The following SASS6 variants were observed in gnomAD, a reference collection of about 807,000 sequenced individuals.
SASS6 encodes the protein SAS-6 centriolar assembly protein, also known as spindle assembly abnormal protein 6 homolog.
In SASS6, 59 loss-of-function variants were observed where a neutral mutation model predicts 94.9. The observed-to-expected ratio is 0.62, with a 90% confidence interval of 0.50 to 0.77. The LOEUF is 0.77. Ranked by LOEUF, SASS6 falls within the 30% of genes least tolerant of loss-of-function variation. SASS6 has a pLI of 0.00. For missense variants in SASS6, 698 were observed against 734.1 expected, an observed-to-expected ratio of 0.95 and a Z score of 0.57; for synonymous variants, 264 against 270.0, an observed-to-expected ratio of 0.98 and a Z score of 0.22.
chr1:100,120,866 C>A (rs1387878262), intron 5 of SASS6, among the ~76,000 whole-genome samples: 1 of 151,494 alleles, frequency 6.6e-6, no homozygotes, highest in Non-Finnish European at 1.5e-5. Flanking sequence ...CTGGCTAAAA[C>A]GGTGAAACCC....
In SASS6 at chr1:100,122,502, A is replaced by G; in HGVS notation, c.207-18T>C. On this transcript the variant is annotated intron_variant, in intron 3 of 16. Coordinates refer to ENST00000287482, the MANE Select transcript of SASS6 (RefSeq NM_194292.3). ...ATTTTAAACTATACAGAAGAAAGGA[A>G]AAGAAATTTTTTAAAAATTTTAATT... The G allele has an allele frequency of 1.8e-6, 2 of 1,126,564 alleles. 1 individual carries two copies. The highest frequency in any genetic ancestry group is 2.6e-6 in the Non-Finnish European group (2 of 773,402). 69.8% of individuals were successfully genotyped at this position (1,126,564 alleles called of 1,614,324 possible). A position where few individuals can be genotyped will look rare whatever the true frequency, so the allele number is the denominator to read the frequency against.
chr1:100,120,822 G>T (rs977237269), intron 5 of SASS6, among the ~76,000 whole-genome samples: 1 of 151,798 alleles, frequency 6.6e-6, no homozygotes. Flanking sequence ...AGGCCGAGGC[G>T]GGCGGATCAC....
intron 14 of SASS6, among the ~76,000 whole-genome samples, chr1:100,090,980 C>T (rs546143703): frequency 6.6e-6 from 1 of 152,066 alleles, no homozygotes; most frequent in Non-Finnish European, 1.5e-5. Flanking sequence ...TGAGACAGAT[C>T]CAAACAGCAT....
At chr1:100,087,697 C>A (rs549665320) in intron 15 of SASS6, among the ~76,000 whole-genome samples, 1 of 152,264 alleles carries the variant, frequency 6.6e-6, no homozygotes, top group Admixed American at 6.5e-5. Context: ...AGCATATTAA[C>A]TAGCTGGTAT....
intron 14 of SASS6, among the ~76,000 whole-genome samples, chr1:100,102,540 G>T (rs942936764): frequency 2.1e-4 from 32 of 152,020 alleles, no homozygotes; most frequent in African/African-American, 6.8e-4. Flanking sequence ...TTAGCTGGGT[G>T]TAGTGGCACA....
At chr1:100,129,959 A>G (rs1654877878) in intron 1 of SASS6, among the ~76,000 whole-genome samples, 1 of 152,198 alleles carries the variant, frequency 6.6e-6, no homozygotes, top group Non-Finnish European at 1.5e-5. Context: ...TTAATACCTA[A>G]AATTTAGTGA....
chr1:100,115,335 C>CA (rs1362874138), intron 7 of SASS6, among the ~76,000 whole-genome samples: 2 of 151,680 alleles, frequency 1.3e-5, no homozygotes, highest in Non-Finnish European at 2.9e-5. Flanking sequence ...AGTCCCTAGC[C>CA]AAAAACACTG....
rs1381968142 is a variant in SASS6, at chr1:100,084,149, A to C, written c.*1179T>G. On this transcript the variant is annotated 3_prime_UTR_variant, in exon 17 of 17. Coordinates refer to ENST00000287482, the MANE Select transcript of SASS6 (RefSeq NM_194292.3). Reference sequence around the variant, plus strand: ...TTCAAGATACTGGCTTCGTAAAAAAAAAAAAAAAATTAGCAAAGATTCTTT... The same window carrying C: ...TTCAAGATACTGGCTTCGTAAAAAACAAAAAAAAATTAGCAAAGATTCTTT... The C allele has an allele frequency of 1.3e-5, 2 of 151,934 alleles. No homozygotes were observed. The highest frequency in any genetic ancestry group is 4.8e-5 in the African/African-American group (2 of 41,404). The allele number at this position is 151,934 out of a possible 1,614,324, so 9.4% of individuals were successfully genotyped here.
intron 1 of SASS6, among the ~76,000 whole-genome samples, chr1:100,127,515 A>G (rs1472703158): frequency 6.6e-6 from 1 of 152,242 alleles, no homozygotes; most frequent in Non-Finnish European, 1.5e-5. Context: ...CCGTTTGTAC[A>G]ATAAGGTTAA....
chr1:100,121,326 A>C, intron 5 of SASS6, 52 bp downstream of exon 5: 1 of 1,072,132 alleles, frequency 9.3e-7, no homozygotes, highest in Non-Finnish European at 1.3e-6. Context: ...TAATTTATCA[A>C]AGACCATTGA....
At position 100,121,475 on chromosome 1, in the gene SASS6, T is replaced by C. The variant is rs1184183184; in HGVS notation, c.386A>G (p.Asn129Ser). Residue 129 changes from asparagine (N) to serine (S), a missense_variant, in exon 5 of 17, where the codon AAT (asparagine) becomes AGT (serine). Asn to Ser is a conservative substitution (Grantham distance 46). Transcript: ENST00000287482. ...GAGGTGTGTAAGATGCTTAAAAGGA[T>C]TTGTCTCTACCACATTTAAAAATGC... ...SPAFLNVVET[N>S]PFKHLTHLSL... is the part of the protein sequence containing the mutation. 1.1e-5 allele frequency: 17 copies of C among 1,599,430 alleles called. No homozygotes were observed. Among genetic ancestry groups the C allele is most frequent in the Non-Finnish European group, 1.4e-5 (16 of 1,169,286 alleles).
intron 7 of SASS6, among the ~76,000 whole-genome samples, chr1:100,118,044 G>A (rs189707569): frequency 3.9e-5 from 6 of 152,306 alleles, no homozygotes; most frequent in African/African-American, 1.4e-4. Context: ...ACGTGGCAGG[G>A]CACAGTGGCT....
At chr1:100,121,650 C>T in intron 4 of SASS6, 101 bp from the exon 5 acceptor site, 1 of 672,804 alleles carries the variant, frequency 1.5e-6, no homozygotes, top group Non-Finnish European at 2.6e-6. Flanking sequence ...GGAAAGGGAG[C>T]ACATTGAGGA....
chr1:100,087,234 T>C (rs1303942147), intron 15 of SASS6, among the ~76,000 whole-genome samples: 1 of 152,188 alleles, frequency 6.6e-6, no homozygotes, highest in Non-Finnish European at 1.5e-5. Context: ...CCACCCACCT[T>C]GGCCTCCCAA....
At chr1:100,114,386 A>G (rs1653629253) in intron 7 of SASS6, among the ~76,000 whole-genome samples, 1 of 152,056 alleles carries the variant, frequency 6.6e-6, no homozygotes, top group Non-Finnish European at 1.5e-5. Context: ...TTATGAATAT[A>G]AATACAAACA....
chr1:100,126,474 G>A (rs1654632172), intron 1 of SASS6, among the ~76,000 whole-genome samples: 2 of 152,168 alleles, frequency 1.3e-5, no homozygotes, highest in Admixed American at 1.3e-4. Context: ...GAGACTGATT[G>A]CATTTTAAAA....
intron 2 of SASS6, among the ~76,000 whole-genome samples, chr1:100,125,556 G>A (rs528139989): frequency 1.1e-4 from 17 of 150,556 alleles, no homozygotes; most frequent in African/African-American, 3.6e-4. Context: ...GTGCATGCCT[G>A]TAGTCCCAGC....
Position 100,085,401 on chromosome 1 carries a change from T to C in SASS6, c.1901A>G (p.His634Arg), listed in dbSNP as rs1651165950. Residue 634 changes from histidine (H) to arginine (R), a missense_variant, in exon 17 of 17, where the codon CAT becomes CGT. Transcript: ENST00000287482. The stretch of plus-strand genomic sequence containing the variant: ...GAGCGCTGTGGGTTTGGAAGATGTA[T>C]GTAATGCTCCTAAAGTGCCATCTCT... ...HQRDGTLGAL[H>R]TSSKPTALPS... is the part of the protein sequence containing the mutation. 1 of 1,613,554 alleles carries C rather than the reference T, an allele frequency of 6.2e-7. No individual in the cohort carries two copies. Among genetic ancestry groups the C allele is most frequent in the Non-Finnish European group, 8.5e-7 (1 of 1,179,536 alleles).
chr1:100,102,566 C>T (rs1379987428), intron 14 of SASS6, among the ~76,000 whole-genome samples: 1 of 151,458 alleles, frequency 6.6e-6, no homozygotes, highest in Non-Finnish European at 1.5e-5. Context: ...GTAATCCCAG[C>T]TACTCAGGAG....
Sources: allele counts gnomAD v4.1 joint callset (sites outside exome capture counted in the v4.1 genomes callset), GRCh38; gene constraint gnomAD v4.1.1; transcripts MANE v1.5; gene names NCBI Gene and HGNC (gene_info 2026-07-23, HGNC 2026-07-21).